Variants in PLCG2 observed in about 807,000 individuals in gnomAD.
PLCG2 encodes phospholipase C gamma 2.
In PLCG2, 69 loss-of-function variants were observed where a neutral mutation model predicts 175.6. The observed-to-expected ratio is 0.39, with a 90% CI of 0.32 to 0.48. The LOEUF (loss-of-function observed/expected upper bound fraction) is 0.48. Ranked by LOEUF, PLCG2 falls within the 20% of genes least tolerant of loss-of-function variation. The probability of loss-of-function intolerance (pLI) is 0.91; values close to 1 mark genes in which losing one functional copy is unlikely to be tolerated. For synonymous variants in PLCG2, 827 were observed against 624.0 expected, an observed-to-expected ratio of 1.33 and a Z score of -4.85; for missense variants, 1,798 against 1,650.9, an observed-to-expected ratio of 1.09 and a Z score of -1.54.
At chr16:81,756,259 C>T (rs892960929) in intron 2 of PLCG2, among the ~76,000 whole-genome samples, 10 of 152,248 alleles carry the variant, frequency 6.6e-5, no homozygotes, top group Non-Finnish European at 7.3e-5. Context: ...TGCCCCCTAC[C>T]GCCTTTCAGA....
At chr16:81,892,917 A>G (rs1280909563) in intron 11 of PLCG2, among the ~76,000 whole-genome samples, 3 of 149,326 alleles carry the variant, frequency 2.0e-5, no homozygotes, top group Non-Finnish European at 4.4e-5. Flanking sequence ...GTGCGATCTC[A>G]GCTCACAACC....
At chr16:81,755,392 G>T (rs1909901484) in intron 1 of PLCG2, among the ~76,000 whole-genome samples, 1 of 147,602 alleles carries the variant, frequency 6.8e-6, no homozygotes. Context: ...TTTTGGTAGA[G>T]ATGAGGTGTC....
intron 5 of PLCG2, among the ~76,000 whole-genome samples, chr16:81,865,573 G>A (rs1907187111): frequency 6.6e-6 from 1 of 152,202 alleles, no homozygotes; most frequent in African/African-American, 2.4e-5. Context: ...AGCTGCTCTG[G>A]CACCCCAGGC....
At chr16:81,812,849 G>C (rs1014644171) in intron 2 of PLCG2, among the ~76,000 whole-genome samples, 1 of 152,090 alleles carries the variant, frequency 6.6e-6, no homozygotes, top group Non-Finnish European at 1.5e-5. Context: ...GTTAATTTTT[G>C]TATAAGGTGT....
chr16:81,849,363 C>G lies in PLCG2; in HGVS notation c.194-5081C>G, dbSNP rs556594494. 5.9e-5 allele frequency among the ~76,000 whole-genome samples: 9 copies of G among 152,286 alleles called. No individual in the cohort carries two copies. The South Asian group carries it at 1.9e-3, about 32-fold the overall frequency. On this transcript the variant is annotated intron_variant, in intron 2 of 32. Transcript: ENST00000564138. ...ATTTCAGAAGTAGAATTGTTAAAAT[C>G]TGGCTATTGCTGGAAGACAATGTTA...
At chr16:81,812,403 T>A (rs1364469336) in intron 2 of PLCG2, among the ~76,000 whole-genome samples, 1 of 152,198 alleles carries the variant, frequency 6.6e-6, no homozygotes, top group African/African-American at 2.4e-5. Context: ...AGATGGTATC[T>A]CATTGTAGTT....
At chr16:81,778,495 G>T (rs4312300), upstream of PLCG2, among the ~76,000 whole-genome samples, 38 of 152,122 alleles carry the variant, frequency 2.5e-4, no homozygotes, top group Non-Finnish European at 5.1e-4. Flanking sequence ...GCATAGGAAG[G>T]GTTTGAATCA....
intron 5 of PLCG2, among the ~76,000 whole-genome samples, chr16:81,862,304 G>C (rs189796556): frequency 6.6e-6 from 1 of 152,338 alleles, no homozygotes; most frequent in African/African-American, 2.4e-5. Context: ...TTCATTTTTT[G>C]ACTTTTCTAG....
Position 81,960,365 on chromosome 16 carries a change from G to A in PLCG2, c.*2367G>A, listed in dbSNP as rs187356594. ...TCCAGGCCAAGAAGACTAGTAACAG[G>A]CACATTCTGAAAGATGGAAGCAGCA... is the stretch of plus-strand genomic sequence containing the variant. On this transcript the variant is annotated 3_prime_UTR_variant, in exon 33 of 33. Coordinates refer to ENST00000564138, the MANE Select transcript of PLCG2 (RefSeq NM_002661.5). 56 of 220,450 alleles carry A rather than the reference G, an allele frequency of 2.5e-4. No individual in the cohort carries two copies. The Admixed American group carries it at 3.1e-3, about 12-fold the overall frequency. The allele number at this position is 220,450 out of a possible 1,614,324, so 13.7% of individuals were successfully genotyped here.
In PLCG2 at chr16:81,866,651, C is replaced by G. The variant is rs1482634075; in HGVS notation, c.480-2563C>G. ...GCCTCTCCCTTGCTCCCAGGATGAGCTCCACTGGGGCACCAGCGTGAGAGG... is the reference window on the plus strand; with the variant it reads ...GCCTCTCCCTTGCTCCCAGGATGAGGTCCACTGGGGCACCAGCGTGAGAGG... On this transcript the variant is annotated intron_variant, in intron 5 of 32. Transcript: ENST00000564138. 1.6e-5 allele frequency among the ~76,000 whole-genome samples: 2 copies of G among 122,922 alleles called. 1 individual carries two copies. Among genetic ancestry groups the G allele is most frequent in the Non-Finnish European group, 3.8e-5 (2 of 53,020 alleles). 80.6% of individuals were successfully genotyped at this position (122,922 alleles called of 152,430 possible).
chr16:81,953,808 GTATGTAAT>G (rs1274765068), intron 31 of PLCG2, among the ~76,000 whole-genome samples: 11 of 152,162 alleles, frequency 7.2e-5, no homozygotes, highest in African/African-American at 2.7e-4. Context: ...CAGGACTACA[GTATGTAAT>G]ATAGCTGCAA....
intron 11 of PLCG2, among the ~76,000 whole-genome samples, 194 bp downstream of exon 11, chr16:81,891,784 GTAA>G (rs1188805757): frequency 6.6e-6 from 1 of 152,198 alleles, no homozygotes; most frequent in African/African-American, 2.4e-5. Context: ...AGCTGGCATT[GTAA>G]TAATAATCTC....
intron 2 of PLCG2, among the ~76,000 whole-genome samples, chr16:81,792,065 G>A (rs1911256484): frequency 6.6e-6 from 1 of 152,190 alleles, no homozygotes; most frequent in African/African-American, 2.4e-5. Context: ...TCGATGGTAG[G>A]CAGGAACTGA....
intron 2 of PLCG2, among the ~76,000 whole-genome samples, chr16:81,795,123 A>G (rs1911408801): frequency 6.6e-6 from 1 of 152,230 alleles, no homozygotes; most frequent in Non-Finnish European, 1.5e-5. Context: ...CTGGGGATAA[A>G]GTAGTGAACA....
At chr16:81,887,182 C>T (rs891201043) in intron 9 of PLCG2, among the ~76,000 whole-genome samples, 4 of 151,422 alleles carry the variant, frequency 2.6e-5, no homozygotes, top group Non-Finnish European at 2.9e-5. Context: ...TACAGTGGCG[C>T]GATCTCTGCT....
intron 2 of PLCG2, among the ~76,000 whole-genome samples, chr16:81,828,090 C>CAAAA (rs763973143): frequency 2.0e-5 from 1 of 50,084 alleles, no homozygotes; most frequent in Non-Finnish European, 4.0e-5. Flanking sequence ...AACTCCGTCT[C>CAAAA]AAAAAAAAAA....
In PLCG2 at chr16:81,900,607, T is replaced by G. The variant is rs1909107962; in HGVS notation, c.1194-5T>G. On this transcript the variant is annotated splice_region_variant and splice_polypyrimidine_tract_variant and intron_variant, in intron 13 of 32. Coordinates refer to ENST00000564138, the MANE Select transcript of PLCG2 (RefSeq NM_002661.5). ...GCCGAGCTGCCCACCCTCTTCTGCC[T>G]GCAGCTTCCCAGTGATCCTGTCCAT... The G allele has an allele frequency of 6.3e-7, 1 of 1,585,586 alleles. No individual in the cohort carries two copies. Among genetic ancestry groups the G allele is most frequent in the Admixed American group, 1.7e-5 (1 of 59,420 alleles).
chr16:81,768,458 A>G (rs1344575848), intron 2 of PLCG2, among the ~76,000 whole-genome samples: 1 of 152,082 alleles, frequency 6.6e-6, no homozygotes, highest in Non-Finnish European at 1.5e-5. Flanking sequence ...TTAACTTTTT[A>G]AAGAAACTGC....
At chr16:81,849,876 C>G (rs1906319996) in intron 2 of PLCG2, among the ~76,000 whole-genome samples, 1 of 151,360 alleles carries the variant, frequency 6.6e-6, no homozygotes, top group Non-Finnish European at 1.5e-5. Flanking sequence ...AGAATGTTTG[C>G]TTAAAGTCAC....
Sources: allele counts gnomAD v4.1 joint callset (sites outside exome capture counted in the v4.1 genomes callset), GRCh38; gene constraint gnomAD v4.1.1; transcripts MANE v1.5; gene names NCBI Gene and HGNC (gene_info 2026-07-23, HGNC 2026-07-21).